PYROXD1: variants seen among roughly 807,000 people sequenced by gnomAD.
PYROXD1 encodes the protein pyridine nucleotide-disulphide oxidoreductase domain 1, also known as tRNA ligase complex-associated NAD(P)H dehydrogenase PYROXD1.
PYROXD1 carries 42 observed loss-of-function variants against 62.0 expected under a neutral mutation model. The observed-to-expected ratio is 0.68, with a 90% CI of 0.53 to 0.88. PYROXD1 has a LOEUF of 0.88. Among genes scored for constraint, PYROXD1 ranks in the 40% least tolerant of loss-of-function variants. The pLI, the probability that PYROXD1 is intolerant of heterozygous loss-of-function variation, is 0.00. For missense variants in PYROXD1, 493 were observed against 604.8 expected (o/e 0.82, Z 1.94); for synonymous variants, 170 against 206.4 (o/e 0.82, Z 1.51).
At chr12:21,455,961 G>C (rs769681734) in intron 6 of PYROXD1, 34 bp from the exon 7 acceptor site, 4 of 1,370,926 alleles carry the variant, frequency 2.9e-6, no homozygotes, top group Admixed American at 3.8e-5. Context: ...TCTCTATCTG[G>C]TAATTTTTAT....
intron 11 of PYROXD1, among the ~76,000 whole-genome samples, chr12:21,468,028 T>C (rs946055654): frequency 5.9e-5 from 9 of 151,450 alleles, no homozygotes; most frequent in African/African-American, 1.5e-4. Flanking sequence ...TTTTTTTTTT[T>C]CCCTAATTTA....
intron 7 of PYROXD1, among the ~76,000 whole-genome samples, chr12:21,457,992 G>A (rs1358344237): frequency 1.3e-5 from 2 of 152,108 alleles, no homozygotes; most frequent in African/African-American, 4.8e-5. Context: ...CTTTCACAGT[G>A]GTAAATAGGC....
In PYROXD1 at chr12:21,456,080, T is replaced by C; in HGVS notation, c.735T>C (p.Leu245=). Reference sequence around the variant, plus strand: ...CAGATTGGCATGAAGGCTTGAATCTTAAAGGAACAAAAGAGGTATCTTTTC... The same window carrying C: ...CAGATTGGCATGAAGGCTTGAATCTCAAAGGAACAAAAGAGGTATCTTTTC... ...LGPDWHEGLN[L]KGTKEFSHKI... is the part of the protein sequence containing the mutation. Residue 245 remains leucine, a synonymous_variant, in exon 7 of 12, where the codon CTT becomes CTC. Transcript: ENST00000240651. The C allele has an allele frequency of 1.2e-6, 2 of 1,602,198 alleles. No individual in the cohort carries two copies. The highest frequency in any genetic ancestry group is 1.7e-4 in the Middle Eastern group (1 of 6,034).
At chr12:21,459,759 C>G (rs758386195) in intron 7 of PYROXD1, among the ~76,000 whole-genome samples, 4 of 152,220 alleles carry the variant, frequency 2.6e-5, no homozygotes, top group Non-Finnish European at 5.9e-5. Context: ...AAACACCCCA[C>G]ACACATTTGG....
At chr12:21,462,159 G>A in intron 9 of PYROXD1, 39 bp downstream of exon 9, 1 of 1,183,644 alleles carries the variant, frequency 8.4e-7, no homozygotes, top group South Asian at 1.3e-5. Context: ...GAATATATTT[G>A]AAGTATTTTT....
chr12:21,463,624 G>A (rs7971031), intron 10 of PYROXD1, among the ~76,000 whole-genome samples: 54,921 of 150,580 alleles, frequency 0.36, 11,385 homozygotes, highest in South Asian at 0.54. Context: ...CCTGGGAGGC[G>A]GAGGTTGCAG....
At chr12:21,446,336 A>G (rs1007165626) in intron 3 of PYROXD1, among the ~76,000 whole-genome samples, 1 of 152,052 alleles carries the variant, frequency 6.6e-6, no homozygotes. Flanking sequence ...GAGGCAGGAG[A>G]ATGGCGTGAA....
chr12:21,460,955 T>A (rs1942685944), intron 7 of PYROXD1, 70 bp from the exon 8 acceptor site: 15 of 979,004 alleles, frequency 1.5e-5, no homozygotes, highest in Non-Finnish European at 2.1e-5. Context: ...ATACGTTTTT[T>A]CTTCATCATT....
chr12:21,453,322 A>T (rs1257732636), intron 5 of PYROXD1, among the ~76,000 whole-genome samples: 1 of 152,058 alleles, frequency 6.6e-6, no homozygotes, highest in African/African-American at 2.4e-5. Flanking sequence ...TGTATTTAGT[A>T]AGCTCTTCTT....
At chr12:21,462,612 A>G (rs999447251) in intron 9 of PYROXD1, 128 bp from the exon 10 acceptor site, 2 of 1,058,480 alleles carry the variant, frequency 1.9e-6, no homozygotes, top group African/African-American at 3.2e-5. Context: ...AACTTTGCTG[A>G]TATTTTTCAT....
At chr12:21,452,265 G>C (rs993437283) in intron 5 of PYROXD1, 111 bp downstream of exon 5, 4 of 704,460 alleles carry the variant, frequency 5.7e-6, no homozygotes, top group Non-Finnish European at 8.3e-6. Flanking sequence ...ACTGGAAAAT[G>C]TTTTTTATTC....
chr12:21,461,929 C>A, intron 8 of PYROXD1, 79 bp from the exon 9 acceptor site: 1 of 704,294 alleles, frequency 1.4e-6, no homozygotes, highest in South Asian at 2.2e-5. Flanking sequence ...TGTTTCTAGT[C>A]ATTGTAGTCA....
intron 7 of PYROXD1, among the ~76,000 whole-genome samples, chr12:21,458,189 C>T (rs991247460): frequency 6.6e-6 from 1 of 152,154 alleles, no homozygotes; most frequent in Non-Finnish European, 1.5e-5. Flanking sequence ...CATCAGTTAT[C>T]AATTGTATAT....
At chr12:21,458,158 A>C (rs1455200844) in intron 7 of PYROXD1, among the ~76,000 whole-genome samples, 1 of 152,138 alleles carries the variant, frequency 6.6e-6, no homozygotes, top group Non-Finnish European at 1.5e-5. Flanking sequence ...CTGAAAATCT[A>C]CTGTTTAGTG....
At chr12:21,460,804 T>G (rs773605544) in intron 7 of PYROXD1, 49 of 311,152 alleles carry the variant, frequency 1.6e-4, no homozygotes, top group Non-Finnish European at 2.4e-4. Context: ...TGCTATCTGC[T>G]AATGCAGCTA....
chr12:21,449,902 G>T (rs1327269943), intron 4 of PYROXD1, among the ~76,000 whole-genome samples: 1 of 149,728 alleles, frequency 6.7e-6, no homozygotes, highest in Non-Finnish European at 1.5e-5. Context: ...CTGTTGCCCA[G>T]GCTGGAGTGC....
chr12:21,441,930 T>C (rs1942302918), intron 2 of PYROXD1, among the ~76,000 whole-genome samples: 1 of 152,234 alleles, frequency 6.6e-6, no homozygotes, highest in Non-Finnish European at 1.5e-5. Flanking sequence ...ATGTAGCAGT[T>C]CTGGCACCAG....
In PYROXD1 at chr12:21,468,786, T is replaced by G. The variant is rs777926827; in HGVS notation, c.*32T>G. 3 of 1,577,286 alleles carry G rather than the reference T, an allele frequency of 1.9e-6. No individual in the cohort carries two copies. Among genetic ancestry groups the G allele is most frequent in the East Asian group, 2.3e-5 (1 of 44,372 alleles). On this transcript the variant is annotated 3_prime_UTR_variant, in exon 12 of 12. Transcript: ENST00000240651. ...AATTTCTTCAGGAATCATATAAAGTTCCAAATGACACCAGAAAAATCACAA... is the reference window on the plus strand; with the variant it reads ...AATTTCTTCAGGAATCATATAAAGTGCCAAATGACACCAGAAAAATCACAA...
At chr12:21,449,099 G>C (rs1004039551) in intron 3 of PYROXD1, among the ~76,000 whole-genome samples, 8 of 152,174 alleles carry the variant, frequency 5.3e-5, no homozygotes, top group Non-Finnish European at 1.2e-4. Flanking sequence ...ATGAAGGTAG[G>C]ATATGGTTAG....
Sources: allele counts gnomAD v4.1 joint callset (sites outside exome capture counted in the v4.1 genomes callset), GRCh38; gene constraint gnomAD v4.1.1; transcripts MANE v1.5; gene names NCBI Gene and HGNC (gene_info 2026-07-23, HGNC 2026-07-21).